BAZ2B: variants seen among roughly 807,000 people sequenced by gnomAD.
The protein encoded by BAZ2B is bromodomain adjacent to zinc finger domain protein 2B.
A neutral mutation model predicts 246.0 loss-of-function variants in BAZ2B; 91 were observed. The observed-to-expected ratio is 0.37, with a 90% CI of 0.31 to 0.44. The LOEUF (loss-of-function observed/expected upper bound fraction) is 0.44. Among genes scored for constraint, BAZ2B ranks in the 20% least tolerant of loss-of-function variants. The pLI is 1.00. For synonymous variants in BAZ2B, 855 were observed against 860.0 expected, an observed-to-expected ratio of 0.99 and a Z score of 0.10; for missense variants, 2,332 against 2,533.7, an observed-to-expected ratio of 0.92 and a Z score of 1.71.
At chr2:159,573,377 G>T (rs1160938185) in intron 1 of BAZ2B, among the ~76,000 whole-genome samples, 1 of 152,184 alleles carries the variant, frequency 6.6e-6, no homozygotes, top group Non-Finnish European at 1.5e-5. Context: ...ACAGTCAAAT[G>T]ATATTTGACA....
chr2:159,525,359 C>CA (rs2084620076), intron 2 of BAZ2B, among the ~76,000 whole-genome samples: 2 of 152,152 alleles, frequency 1.3e-5, no homozygotes, highest in African/African-American at 4.8e-5. Context: ...GCACCTATAA[C>CA]ACGCAAGAGT....
chr2:159,438,914 T>C, intron 7 of BAZ2B, 95 bp downstream of exon 7: 2 of 1,350,552 alleles, frequency 1.5e-6, no homozygotes, highest in South Asian at 2.8e-5. Context: ...AAAGTAATGA[T>C]TAACTTTAAA....
chr2:159,635,614 T>C, the BAZ2B span, among the ~76,000 whole-genome samples: 1 of 152,020 alleles, frequency 6.6e-6, no homozygotes, highest in Non-Finnish European at 1.5e-5. Flanking sequence ...TTTCTTTTTT[T>C]TTTTTCTTGT....
At chr2:159,487,069 T>C (rs1577662172) in intron 2 of BAZ2B, among the ~76,000 whole-genome samples, 2 of 152,186 alleles carry the variant, frequency 1.3e-5, no homozygotes, top group East Asian at 3.9e-4. Context: ...ATGGGATAAT[T>C]ATTTTTCACC....
upstream of BAZ2B, among the ~76,000 whole-genome samples, chr2:159,621,302 G>A (rs1340806592): frequency 4.6e-5 from 7 of 152,154 alleles, no homozygotes; most frequent in South Asian, 4.2e-4. Flanking sequence ...TGTCCCCAAC[G>A]TCCAGAATTC....
intron 27 of BAZ2B, among the ~76,000 whole-genome samples, chr2:159,355,135 TA>T (rs1247626256): frequency 6.6e-6 from 1 of 152,218 alleles, no homozygotes; most frequent in African/African-American, 2.4e-5. Flanking sequence ...GAGTTTTTAC[TA>T]AACTCTAAGT....
chr2:159,385,205 T>C lies in BAZ2B; in HGVS notation c.3636A>G (p.Ser1212=). Residue 1212 remains serine (S), a synonymous_variant, in exon 23 of 37, where the codon TCA becomes TCG. Transcript: ENST00000392783. ...FQAHTPAQKA[S]VLAFLINELA... ...GTTCATTGATCAGGAAAGCCAGGAC[T>C]GAAGCTTTCTGTGCTGGAGTGTGAG... The C allele has an allele frequency of 6.2e-7, 1 of 1,613,640 alleles. No individual in the cohort carries two copies. The highest frequency in any genetic ancestry group is 8.5e-7 in the Non-Finnish European group (1 of 1,179,660).
intron 13 of BAZ2B, among the ~76,000 whole-genome samples, chr2:159,417,985 T>C (rs1439287610): frequency 6.6e-6 from 1 of 152,202 alleles, no homozygotes; most frequent in African/African-American, 2.4e-5. Flanking sequence ...TACATTAGTC[T>C]TTTGGGAGAG....
Position 159,373,141 on chromosome 2 carries a change from G to A in BAZ2B, c.4117C>T (p.Arg1373Cys), listed in dbSNP as rs771663406. Residue 1373 changes from arginine (R) to cysteine (C), a missense_variant, in exon 27 of 37, where the codon CGT becomes TGT. Arg to Cys is a radical substitution (Grantham distance 180). Around this residue, in one of 9 missense-constraint regions of BAZ2B, gnomAD observed 676 missense variants for 668.6 expected, o/e 1.01. Coordinates refer to ENST00000392783, the MANE Select transcript of BAZ2B (RefSeq NM_013450.4). ...RKLFDASHSLRSVMFGQDRYR... is the reference protein window; with the variant it reads ...RKLFDASHSLCSVMFGQDRYR... The stretch of plus-strand genomic sequence containing the variant: ...CGATCTTGGCCAAACATCACTGAAC[G>A]CAATGAGTGAGACGCATCAAAGAGC... 9 of 1,613,936 alleles carry A rather than the reference G, an allele frequency of 5.6e-6. No individual in the cohort carries two copies. The highest frequency in any genetic ancestry group is 1.1e-5 in the South Asian group (1 of 91,060).
At chr2:159,316,135 T>A (rs1369102931), downstream of BAZ2B, among the ~76,000 whole-genome samples, 1 of 152,134 alleles carries the variant, frequency 6.6e-6, no homozygotes, top group Non-Finnish European at 1.5e-5. Context: ...TGGTTGTATA[T>A]AGGGGAAAGT....
chr2:159,378,323 A>G lies in BAZ2B; in HGVS notation c.4006-3570T>C, dbSNP rs547183809. Among the ~76,000 whole-genome samples the G allele has an allele frequency of 7.2e-5, 11 of 152,350 alleles. No individual in the cohort carries two copies. In the South Asian group the frequency reaches 2.3e-3, roughly 32 times the overall value. On this transcript the variant is annotated intron_variant, in intron 25 of 36. Transcript: ENST00000392783. Reference sequence around the variant, plus strand: ...AAAGTATAATATTATGAAATAAATTATTTCTGCAAGGAATCTCAATGTAGT... The same window carrying G: ...AAAGTATAATATTATGAAATAAATTGTTTCTGCAAGGAATCTCAATGTAGT...
intron 1 of BAZ2B, among the ~76,000 whole-genome samples, chr2:159,592,360 G>A (rs940151432): frequency 6.6e-6 from 1 of 152,086 alleles, no homozygotes; most frequent in South Asian, 2.1e-4. Context: ...ATATTGCCCA[G>A]GCTGGTCTTG....
intron 1 of BAZ2B, among the ~76,000 whole-genome samples, chr2:159,610,702 C>G (rs1694538586): frequency 6.6e-6 from 1 of 152,076 alleles, no homozygotes; most frequent in Admixed American, 6.5e-5. Flanking sequence ...GAAAGGCATT[C>G]AAAAGCCAAA....
At chr2:159,579,387 T>A (rs1646377273) in intron 1 of BAZ2B, among the ~76,000 whole-genome samples, 1 of 152,148 alleles carries the variant, frequency 6.6e-6, no homozygotes, top group African/African-American at 2.4e-5. Flanking sequence ...AGAAGTTGAA[T>A]CCCTGAATAG....
chr2:159,674,219 C>T, the BAZ2B span, among the ~76,000 whole-genome samples: 1 of 151,164 alleles, frequency 6.6e-6, no homozygotes, highest in Admixed American at 6.6e-5. Context: ...CCTGTAGTCC[C>T]AGTTACTTGG....
chr2:159,416,283 T>C (rs2067694437), intron 13 of BAZ2B, among the ~76,000 whole-genome samples: 1 of 152,206 alleles, frequency 6.6e-6, no homozygotes, highest in South Asian at 2.1e-4. Flanking sequence ...TTGCTGAGAT[T>C]CCAAATAAAG....
At chr2:159,647,470 C>T in the BAZ2B span, among the ~76,000 whole-genome samples, 3 of 152,188 alleles carry the variant, frequency 2.0e-5, no homozygotes, top group African/African-American at 4.8e-5. Flanking sequence ...GAACAATCTC[C>T]TTTACTCAGT....
At chr2:159,590,239 G>C (rs1578701887) in intron 1 of BAZ2B, among the ~76,000 whole-genome samples, 7 of 51,332 alleles carry the variant, frequency 1.4e-4, no homozygotes, top group East Asian at 1.4e-3. Context: ...AAACAACCCA[G>C]CAAGAACTGG....
chr2:159,371,028 G>C (rs2060797090), intron 27 of BAZ2B, among the ~76,000 whole-genome samples: 1 of 151,948 alleles, frequency 6.6e-6, no homozygotes, highest in African/African-American at 2.4e-5. Context: ...GGCTCGTCAC[G>C]AACTCCTGAC....
Sources: gnomAD v4.1 joint callset for allele counts (sites outside exome capture counted in the v4.1 genomes callset) on GRCh38, gnomAD v4.1.1 for gene constraint, gnomAD v4.1.1 regional missense constraint, MANE v1.5 for transcripts, NCBI Gene and HGNC (gene_info 2026-07-23, HGNC 2026-07-21) for gene names.